EYS: variants seen among roughly 807,000 people sequenced by gnomAD.
EYS encodes the protein protein eyes shut homolog.
EYS carries 250 observed loss-of-function variants against 282.1 expected under a neutral mutation model. That is an observed-to-expected ratio of 0.89 (90% CI 0.80 to 0.98). The LOEUF (loss-of-function observed/expected upper bound fraction) is 0.98. Ranked by LOEUF, EYS falls within the 50% of genes least tolerant of loss-of-function variation. The pLI, the probability that EYS is intolerant of heterozygous loss-of-function variation, is 0.00. For synonymous variants in EYS, 1,355 were observed against 1,282.9 expected (o/e 1.06, Z -1.20); for missense variants, 4,016 against 3,709.0 (o/e 1.08, Z -2.15).
At chr6:65,190,340 T>A (rs1042053562) in intron 12 of EYS, among the ~76,000 whole-genome samples, 3 of 148,916 alleles carry the variant, frequency 2.0e-5, no homozygotes, top group Non-Finnish European at 4.5e-5. Context: ...ATATTTTATA[T>A]GAAATATATG....
rs146530578 is a variant in EYS, at chr6:64,680,689, T to C, written c.3444-54444A>G. Among the ~76,000 whole-genome samples the C allele has an allele frequency of 1.7e-3, 260 of 152,286 alleles. 1 individual carries two copies. The highest frequency in any genetic ancestry group is 5.8e-3 in the African/African-American group (243 of 41,554). ...AACTCATAGGGCAGAATTATTTACC[T>C]TAGTTTCAGCAGGCCAAGAATATGT... On this transcript the variant is annotated intron_variant, in intron 22 of 42. Coordinates refer to ENST00000503581, the MANE Select transcript of EYS (RefSeq NM_001142800.2).
At chr6:65,452,237 G>T (rs1764430731) in intron 5 of EYS, among the ~76,000 whole-genome samples, 1 of 151,484 alleles carries the variant, frequency 6.6e-6, no homozygotes, top group Non-Finnish European at 1.5e-5. Context: ...AAATTTAAGG[G>T]ATATTTTTAT....
At chr6:63,981,875 T>A (rs1465398103) in intron 35 of EYS, among the ~76,000 whole-genome samples, 1 of 151,928 alleles carries the variant, frequency 6.6e-6, no homozygotes, top group African/African-American at 2.4e-5. Context: ...ATCTTTGATT[T>A]ACAATTACCT....
intron 35 of EYS, among the ~76,000 whole-genome samples, chr6:63,907,259 T>C (rs1773800602): frequency 6.6e-6 from 1 of 152,202 alleles, no homozygotes; most frequent in Non-Finnish European, 1.5e-5. Flanking sequence ...TTCTAATATA[T>C]GTGAGGCCTA....
chr6:64,523,995 TG>T (rs1777841210), intron 26 of EYS, among the ~76,000 whole-genome samples: 1 of 151,758 alleles, frequency 6.6e-6, no homozygotes, highest in Non-Finnish European at 1.5e-5. Context: ...TTCCAGTCTA[TG>T]GTTTTACATT....
intron 14 of EYS, among the ~76,000 whole-genome samples, chr6:64,995,767 A>T (rs1276700287): frequency 2.0e-5 from 3 of 150,738 alleles, no homozygotes; most frequent in African/African-American, 7.3e-5. Flanking sequence ...AGGAGTCAAG[A>T]TTTTAAACTA....
chr6:63,738,226 G>C (rs370384629), intron 41 of EYS, among the ~76,000 whole-genome samples: 2 of 152,212 alleles, frequency 1.3e-5, no homozygotes, highest in Non-Finnish European at 2.9e-5. Flanking sequence ...ACCCAGCCAT[G>C]CCATTACTGG....
chr6:65,205,933 A>G (rs1766022687), intron 12 of EYS, among the ~76,000 whole-genome samples: 1 of 151,888 alleles, frequency 6.6e-6, no homozygotes, highest in Non-Finnish European at 1.5e-5. Flanking sequence ...TACATCAAAA[A>G]GAGAAGAATC....
chr6:64,343,795 T>G (rs1437956253), intron 29 of EYS, among the ~76,000 whole-genome samples: 1 of 151,818 alleles, frequency 6.6e-6, no homozygotes, highest in African/African-American at 2.4e-5. Flanking sequence ...ATCAACAAAA[T>G]TGATAGACTG....
chr6:64,778,320 T>G (rs78067638), intron 22 of EYS, among the ~76,000 whole-genome samples: 2,863 of 152,290 alleles, frequency 0.019, 81 homozygotes, highest in African/African-American at 0.066. Flanking sequence ...AAATAAAATG[T>G]TGCTTGTCCA....
At chr6:64,649,483 G>C (rs893993064) in intron 22 of EYS, among the ~76,000 whole-genome samples, 66 of 151,930 alleles carry the variant, frequency 4.3e-4, no homozygotes, top group African/African-American at 1.3e-3. Flanking sequence ...GGGACTACAG[G>C]CACCTGCCAC....
intron 32 of EYS, among the ~76,000 whole-genome samples, chr6:64,079,166 C>A (rs1178945657): frequency 1.3e-5 from 2 of 152,042 alleles, no homozygotes; most frequent in African/African-American, 4.8e-5. Flanking sequence ...CATCTACCAG[C>A]ACTTAGATTT....
chr6:64,407,309 G>T (rs2150440735), intron 28 of EYS, among the ~76,000 whole-genome samples: 1 of 151,876 alleles, frequency 6.6e-6, no homozygotes, highest in South Asian at 2.1e-4. Context: ...GGGGTGGGGG[G>T]CTGGGTGCGG....
At chr6:64,579,858 T>C (rs1413592494) in intron 26 of EYS, among the ~76,000 whole-genome samples, 1 of 152,066 alleles carries the variant, frequency 6.6e-6, no homozygotes, top group Non-Finnish European at 1.5e-5. Context: ...TAAGCTATGA[T>C]CTCTTACCTT....
chr6:64,359,962 A>G (rs954882954), intron 29 of EYS, among the ~76,000 whole-genome samples: 1 of 151,664 alleles, frequency 6.6e-6, no homozygotes, highest in Admixed American at 6.6e-5. Context: ...CAATCCAGTC[A>G]CTATTTGGAA....
In EYS at chr6:65,495,211, T is replaced by C. The variant is rs774849760; in HGVS notation, c.200A>G (p.Asp67Gly). The C allele has an allele frequency of 1.2e-6, 2 of 1,614,188 alleles. No individual in the cohort carries two copies. Among genetic ancestry groups the C allele is most frequent in the East Asian group, 4.5e-5 (2 of 44,878 alleles). Residue 67 changes from aspartate (D) to glycine (G), a missense_variant, in exon 4 of 43, where the codon GAT becomes GGT. Transcript: ENST00000503581. ...CWFLGVNTKI[D>G]TSGNQAVPQI... ...GGGAACAGCTTGATTGCCTGAAGTA[T>C]CTATTTTAGTGTTTACACCCAAAAA...
intron 41 of EYS, among the ~76,000 whole-genome samples, chr6:63,734,116 A>G (rs898990039): frequency 6.6e-6 from 1 of 152,152 alleles, no homozygotes; most frequent in African/African-American, 2.4e-5. Flanking sequence ...ACTGGGAACT[A>G]CAAAATCGGG....
chr6:65,226,144 A>T (rs913904408), intron 12 of EYS, among the ~76,000 whole-genome samples: 1 of 152,174 alleles, frequency 6.6e-6, no homozygotes, highest in African/African-American at 2.4e-5. Context: ...AAAATCTATT[A>T]GCATTAATAT....
chr6:64,186,471 A>G (rs1313238270), intron 31 of EYS, among the ~76,000 whole-genome samples: 1 of 152,176 alleles, frequency 6.6e-6, no homozygotes, highest in African/African-American at 2.4e-5. Flanking sequence ...GTGCTAAGTA[A>G]GAGTATAATT....
Sources: gnomAD v4.1 joint callset for allele counts (sites outside exome capture counted in the v4.1 genomes callset) on GRCh38, gnomAD v4.1.1 for gene constraint, MANE v1.5 for transcripts, NCBI Gene and HGNC (gene_info 2026-07-23, HGNC 2026-07-21) for gene names.